Variants in SYT14 observed in about 807,000 individuals in gnomAD.
SYT14 encodes the protein synaptotagmin-14.
SYT14 carries 32 observed loss-of-function variants against 74.2 expected under a neutral mutation model. That is an observed-to-expected ratio of 0.43 (90% confidence interval 0.33 to 0.58). The LOEUF (loss-of-function observed/expected upper bound fraction) is 0.58, where lower values mean the gene tolerates loss of function less well. SYT14 is among the 20% of genes least tolerant of loss of function. The probability of loss-of-function intolerance (pLI) is 0.05; values close to 1 mark genes in which losing one functional copy is unlikely to be tolerated. For synonymous variants in SYT14, 298 were observed against 337.7 expected, an observed-to-expected ratio of 0.88 and a Z score of 1.29; for missense variants, 791 against 981.8, an observed-to-expected ratio of 0.81 and a Z score of 2.60.
rs79018362 is a variant in SYT14, at chr1:210,117,242, T to A, written c.2034+16781T>A. Among the ~76,000 whole-genome samples the A allele has an allele frequency of 6.2e-4, 94 of 152,274 alleles. 4 individuals are homozygous for A. The East Asian group carries it at 0.013, about 21-fold the overall frequency. ...GGATTAAATCACTTCAGTTTGATGT[T>A]TATACTGTTATTTTTATTTTTAAGA... On this transcript the variant is annotated intron_variant, in intron 7 of 9. Coordinates refer to ENST00000637265, the Ensembl canonical transcript of SYT14.
intron 2 of SYT14, among the ~76,000 whole-genome samples, chr1:209,979,103 C>G (rs528921592): frequency 6.6e-6 from 1 of 152,294 alleles, no homozygotes; most frequent in South Asian, 2.1e-4. Flanking sequence ...TGCCGTCTGT[C>G]ACCCCTTTCT....
chr1:210,045,058 A>G (rs2080860147), intron 5 of SYT14, among the ~76,000 whole-genome samples: 1 of 152,204 alleles, frequency 6.6e-6, no homozygotes, highest in African/African-American at 2.4e-5. Context: ...CATCCAAATC[A>G]TGTTATGATT....
intron 8 of SYT14, among the ~76,000 whole-genome samples, chr1:210,158,032 A>G (rs10494925): frequency 0.12 from 18,333 of 152,166 alleles, 1,469 homozygotes; most frequent in South Asian, 0.23. Context: ...CTGTTTCTTT[A>G]TAGGTAAAAT....
intron 7 of SYT14, among the ~76,000 whole-genome samples, chr1:210,101,792 CTG>C (rs1399693019): frequency 6.6e-6 from 1 of 151,948 alleles, no homozygotes; most frequent in Non-Finnish European, 1.5e-5. Flanking sequence ...ACTAGTTACT[CTG>C]TGGAAAATAA....
At chr1:210,031,680 T>C (rs1213659598) in intron 5 of SYT14, among the ~76,000 whole-genome samples, 2 of 152,186 alleles carry the variant, frequency 1.3e-5, no homozygotes, top group Non-Finnish European at 2.9e-5. Context: ...GGTCATCAAA[T>C]TTGTAGGCAT....
intron 2 of SYT14, among the ~76,000 whole-genome samples, chr1:209,989,292 G>C (rs976266399): frequency 6.6e-6 from 1 of 152,158 alleles, no homozygotes. Flanking sequence ...AGGAGAGACT[G>C]GGAAATTACA....
intron 2 of SYT14, among the ~76,000 whole-genome samples, chr1:209,953,881 G>A (rs2078951485): frequency 6.6e-6 from 1 of 152,138 alleles, no homozygotes; most frequent in Non-Finnish European, 1.5e-5. Context: ...TTAGGATTGT[G>A]ATTCTCATGC....
intron 7 of SYT14, among the ~76,000 whole-genome samples, chr1:210,118,985 C>T (rs2102603710): frequency 6.6e-6 from 1 of 152,094 alleles, no homozygotes; most frequent in Non-Finnish European, 1.5e-5. Context: ...AACCAAAATC[C>T]TTAATTCTCA....
intron 2 of SYT14, among the ~76,000 whole-genome samples, chr1:209,976,873 A>G (rs1031712358): frequency 6.6e-6 from 1 of 152,222 alleles, no homozygotes; most frequent in African/African-American, 2.4e-5. Context: ...GACTTGCTTT[A>G]TGAATCTGGG....
intron 7 of SYT14, among the ~76,000 whole-genome samples, chr1:210,119,546 CAG>C (rs1288906682): frequency 6.6e-6 from 1 of 152,026 alleles, no homozygotes; most frequent in Admixed American, 6.6e-5. Flanking sequence ...TATAATGAGT[CAG>C]AAAGATATCT....
chr1:209,988,025 A>G (rs754572758), intron 2 of SYT14, among the ~76,000 whole-genome samples: 3 of 151,940 alleles, frequency 2.0e-5, no homozygotes, highest in Non-Finnish European at 2.9e-5. Context: ...TTTGACCATC[A>G]CTTCTTCAAA....
chr1:210,108,351 ATGT>A (rs2082196889), intron 7 of SYT14, among the ~76,000 whole-genome samples: 2 of 152,206 alleles, frequency 1.3e-5, no homozygotes, highest in Non-Finnish European at 2.9e-5. Context: ...GCTTTGTCAG[ATGT>A]TGATGATGGA....
At chr1:210,151,914 A>T (rs1207581560) in intron 7 of SYT14, among the ~76,000 whole-genome samples, 1 of 152,176 alleles carries the variant, frequency 6.6e-6, no homozygotes, top group Non-Finnish European at 1.5e-5. Context: ...CAAAAGTGGC[A>T]GTATGACTTC....
exon 10 of SYT14, chr1:210,169,311 A>G (rs2102747178): frequency 7.7e-6 from 1 of 130,472 alleles, no homozygotes; most frequent in African/African-American, 3.0e-5. Context: ...GGTTTTGGGA[A>G]GTCTTTTTGG....
intron 7 of SYT14, among the ~76,000 whole-genome samples, chr1:210,119,974 A>T (rs1207831089): frequency 6.6e-6 from 1 of 152,188 alleles, no homozygotes; most frequent in African/African-American, 2.4e-5. Context: ...GAGTAATTCT[A>T]CCATTTTTGG....
At chr1:210,083,515 C>T (rs1044090876) in intron 5 of SYT14, among the ~76,000 whole-genome samples, 15 of 152,042 alleles carry the variant, frequency 9.9e-5, no homozygotes, top group African/African-American at 3.6e-4. Flanking sequence ...TGGGCTCAAA[C>T]GATCGTCTTT....
chr1:210,137,681 C>CTTTT lies in SYT14; in HGVS notation c.2035-18027_2035-18024dup, dbSNP rs397717067. 1.5e-5 allele frequency among the ~76,000 whole-genome samples: 2 copies of CTTTT among 135,414 alleles called. 1 individual carries two copies. The highest frequency in any genetic ancestry group is 4.3e-4 in the East Asian group (2 of 4,660). The allele number at this position is 135,414 out of a possible 152,430, so 88.8% of individuals were successfully genotyped here. The stretch of plus-strand genomic sequence containing the variant: ...TTCTGGAAATGTTTGCTTCAAATTT[C>CTTTT]TTTTTTTTTTTTTTTTGAAATGGAG... On this transcript the variant is annotated intron_variant, in intron 7 of 9. Transcript: ENST00000637265.
At chr1:210,020,827 A>T (rs2080285341) in intron 4 of SYT14, among the ~76,000 whole-genome samples, 1 of 152,026 alleles carries the variant, frequency 6.6e-6, no homozygotes, top group Non-Finnish European at 1.5e-5. Context: ...ATTTTTTTAA[A>T]TCTGAAAATT....
Position 209,976,378 on chromosome 1 carries a change from T to C in SYT14, c.-486+23622T>C, listed in dbSNP as rs542732201. 2.1e-3 allele frequency among the ~76,000 whole-genome samples: 313 copies of C among 150,002 alleles called. 1 individual carries two copies. Among genetic ancestry groups the C allele is most frequent in the African/African-American group, 7.0e-3 (286 of 40,612 alleles). ...TTCCCTCTCCACACTGCTTTGAATG[T>C]GTCCCAGAGATTCTGGTATGTTGTG... On this transcript the variant is annotated intron_variant, in intron 2 of 9. Coordinates refer to ENST00000637265, the Ensembl canonical transcript of SYT14.
Sources: gnomAD v4.1 joint callset for allele counts (sites outside exome capture counted in the v4.1 genomes callset) on GRCh38, gnomAD v4.1.1 for gene constraint, MANE v1.5 for transcripts, NCBI Gene and HGNC (gene_info 2026-07-23, HGNC 2026-07-21) for gene names.